The following PTPN14 variants were observed in gnomAD, a reference collection of about 807,000 sequenced individuals.
PTPN14 encodes tyrosine-protein phosphatase non-receptor type 14.
PTPN14 carries 53 observed loss-of-function variants against 126.8 expected under a neutral mutation model. That is an observed-to-expected ratio of 0.42 (90% CI 0.34 to 0.53). PTPN14 has a LOEUF of 0.53. Among genes scored for constraint, PTPN14 ranks in the 20% least tolerant of loss-of-function variants. The pLI, the probability that PTPN14 is intolerant of heterozygous loss-of-function variation, is 0.08. For synonymous variants in PTPN14, 630 were observed against 599.3 expected (o/e 1.05, Z -0.75); for missense variants, 1,257 against 1,552.9 (o/e 0.81, Z 3.20).
intron 3 of PTPN14, among the ~76,000 whole-genome samples, chr1:214,425,506 A>G (rs1353064644): frequency 6.6e-6 from 1 of 152,178 alleles, no homozygotes; most frequent in Non-Finnish European, 1.5e-5. Flanking sequence ...TTGCTGTTTT[A>G]TAAGACTGCC....
intron 3 of PTPN14, among the ~76,000 whole-genome samples, chr1:214,417,808 A>G (rs1202997287): frequency 6.6e-6 from 1 of 152,160 alleles, no homozygotes. Flanking sequence ...TGCTTTTAAA[A>G]TATTTCACCC....
chr1:214,377,920 C>T, intron 14 of PTPN14, 39 bp downstream of exon 14: 2 of 1,593,116 alleles, frequency 1.3e-6, no homozygotes, highest in Non-Finnish European at 1.7e-6. Context: ...GATCCTAAGA[C>T]TACAGAGAAT....
intron 5 of PTPN14, among the ~76,000 whole-genome samples, chr1:214,404,166 A>G (rs1193859833): frequency 6.6e-6 from 1 of 152,236 alleles, no homozygotes; most frequent in Non-Finnish European, 1.5e-5. Flanking sequence ...ATCCCATCTC[A>G]AATCATTAAA....
At chr1:214,489,987 G>C (rs764487274) in intron 1 of PTPN14, among the ~76,000 whole-genome samples, 114 of 152,302 alleles carry the variant, frequency 7.5e-4, no homozygotes, top group Admixed American at 4.7e-3. Flanking sequence ...CTCGGTAAGT[G>C]ACACATATGT....
At chr1:214,437,635 A>T (rs1659949772) in intron 3 of PTPN14, among the ~76,000 whole-genome samples, 2 of 152,210 alleles carry the variant, frequency 1.3e-5, no homozygotes, top group Admixed American at 1.3e-4. Flanking sequence ...CTACAGAAGA[A>T]CCTTGGATTC....
At chr1:214,362,845 GA>G (rs1349890707) in intron 18 of PTPN14, among the ~76,000 whole-genome samples, 1 of 150,866 alleles carries the variant, frequency 6.6e-6, no homozygotes, top group East Asian at 2.0e-4. Flanking sequence ...TCAAAAAAAA[GA>G]AAAAAAGAAA....
intron 2 of PTPN14, among the ~76,000 whole-genome samples, chr1:214,459,709 C>T (rs1049256036): frequency 6.0e-5 from 9 of 150,786 alleles, no homozygotes; most frequent in Admixed American, 2.6e-4. Context: ...CCTCGTGATC[C>T]GCCTGCCTCG....
At chr1:214,391,971 A>ACCTC (rs1242825002) in intron 10 of PTPN14, among the ~76,000 whole-genome samples, 2 of 152,164 alleles carry the variant, frequency 1.3e-5, no homozygotes, top group Admixed American at 6.5e-5. Context: ...ATTGAGCTAT[A>ACCTC]CCTCCAGATG....
At chr1:214,461,047 C>T (rs918673131) in intron 2 of PTPN14, among the ~76,000 whole-genome samples, 4 of 151,936 alleles carry the variant, frequency 2.6e-5, no homozygotes, top group Admixed American at 6.5e-5. Flanking sequence ...TGTACATGCA[C>T]GGGGCCAGGG....
Position 214,421,872 on chromosome 1 carries a change from TCTCCTCTCCAAAAG to T in PTPN14, c.345-7160_345-7147del, listed in dbSNP as rs552527050. 1.4e-4 allele frequency among the ~76,000 whole-genome samples: 21 copies of T among 152,144 alleles called. No homozygotes were observed. The East Asian group carries it at 2.7e-3, about 20-fold the overall frequency. The stretch of plus-strand genomic sequence containing the variant: ...TGCTCCAAGGCTCAGAGGAAATGTA[TCTCCTCTCCAAAAG>T]CTTCCCAAACCCTCTCAACAAGTTA... On this transcript the variant is annotated intron_variant, in intron 3 of 18. Coordinates refer to ENST00000366956, the MANE Select transcript of PTPN14 (RefSeq NM_005401.5).
chr1:214,524,778 T>C (rs944136907), intron 1 of PTPN14, among the ~76,000 whole-genome samples: 3 of 152,166 alleles, frequency 2.0e-5, no homozygotes, highest in Non-Finnish European at 4.4e-5. Context: ...ATCTCTAACA[T>C]ATCAGCTATG....
chr1:214,383,731 G>A lies in PTPN14; in HGVS notation c.2124C>T (p.Ser708=), dbSNP rs201009749. Residue 708 remains serine (S), a synonymous_variant, in exon 13 of 19, where the codon AGC becomes AGT. Coordinates refer to ENST00000366956, the MANE Select transcript of PTPN14 (RefSeq NM_005401.5). This position sits in a 1 kb window ranked among gnomAD's most constrained non-coding sequence, Gnocchi z 4.4. ...FSDATMLIHS[S]ESEEEEEEAP... The stretch of plus-strand genomic sequence containing the variant: ...CCTCCTCCTCCTCCTCCTCACTCTC[G>A]CTGCTGTGGATTAGCATAGTGGCAT... 5.0e-6 allele frequency: 8 copies of A among 1,613,458 alleles called. No homozygotes were observed. The East Asian group carries it at 6.7e-5, about 13-fold the overall frequency.
intron 1 of PTPN14, among the ~76,000 whole-genome samples, chr1:214,550,201 C>CCT (rs10645624): frequency 0.75 from 113,666 of 152,020 alleles, 43,524 homozygotes; most frequent in Middle Eastern, 0.82. Flanking sequence ...ATCTTTCTAT[C>CCT]CTGTTCCTAG....
chr1:214,445,852 G>A lies in PTPN14; in HGVS notation c.344+5953C>T, dbSNP rs908724725. Among the ~76,000 whole-genome samples, 7 of 152,056 alleles carry A rather than the reference G, an allele frequency of 4.6e-5. No individual in the cohort carries two copies. The East Asian group carries it at 5.8e-4, about 13-fold the overall frequency. The stretch of plus-strand genomic sequence containing the variant: ...CTCAGAAGCCATCTTTTTTCTTTCC[G>A]TGTCCAGAAAAATGTGAAAACCATG... On this transcript the variant is annotated intron_variant, in intron 3 of 18. Transcript: ENST00000366956.
intron 1 of PTPN14, among the ~76,000 whole-genome samples, chr1:214,471,022 T>C (rs1461700805): frequency 2.5e-5 from 1 of 39,286 alleles, no homozygotes; most frequent in Admixed American, 3.1e-4. Flanking sequence ...CAAAATTCCA[T>C]CTCAAAAAAA....
rs149887379 is a variant in PTPN14 at position 214,500,683 on chromosome 1, C to A, written c.-154-35726G>T. The stretch of plus-strand genomic sequence containing the variant: ...CCAGATTTTAACCGATATAAGGCAC[C>A]TTGGCTCTCACAGAAGGGGAAAAGG... On this transcript the variant is annotated intron_variant, in intron 1 of 18. Transcript: ENST00000366956. Among the ~76,000 whole-genome samples the A allele has an allele frequency of 4.0e-4, 61 of 152,226 alleles. 1 individual carries two copies. The East Asian group carries it at 9.8e-3, about 25-fold the overall frequency.
At chr1:214,453,318 C>T (rs532373802) in intron 2 of PTPN14, among the ~76,000 whole-genome samples, 82 of 152,278 alleles carry the variant, frequency 5.4e-4, no homozygotes, top group Non-Finnish European at 5.0e-4. Flanking sequence ...TTAGTTGTTC[C>T]AACCTGAGTG....
chr1:214,471,136 T>C (rs905505294), intron 1 of PTPN14, among the ~76,000 whole-genome samples: 4 of 151,432 alleles, frequency 2.6e-5, no homozygotes, highest in African/African-American at 4.9e-5. Flanking sequence ...TAATTTGGAA[T>C]ACAAAGTACA....
intron 1 of PTPN14, among the ~76,000 whole-genome samples, chr1:214,518,253 C>T (rs995761007): frequency 6.6e-6 from 1 of 152,068 alleles, no homozygotes; most frequent in East Asian, 1.9e-4. Context: ...TATTTCTACC[C>T]AACTAAAATA....
Sources: allele counts gnomAD v4.1 joint callset (sites outside exome capture counted in the v4.1 genomes callset), GRCh38; gene constraint gnomAD v4.1.1; non-coding constraint Gnocchi (gnomAD v3.1); transcripts MANE v1.5; gene names NCBI Gene and HGNC (gene_info 2026-07-23, HGNC 2026-07-21).